The following DDAH1 variants were observed in gnomAD, a reference collection of about 807,000 sequenced individuals.
The protein encoded by DDAH1 is N(G),N(G)-dimethylarginine dimethylaminohydrolase 1.
DDAH1 carries 19 observed loss-of-function variants against 28.8 expected under a neutral mutation model. That is an observed-to-expected ratio of 0.66 (90% confidence interval 0.46 to 0.97). The LOEUF (loss-of-function observed/expected upper bound fraction) is 0.97. DDAH1 is among the 50% of genes least tolerant of loss of function. The probability of loss-of-function intolerance (pLI) is 0.00; values close to 1 mark genes in which losing one functional copy is unlikely to be tolerated. For synonymous variants in DDAH1, 153 were observed against 154.4 expected, an observed-to-expected ratio of 0.99 and a Z score of 0.07; for missense variants, 326 against 375.9, an observed-to-expected ratio of 0.87 and a Z score of 1.10.
chr1:85,481,608 G>C (rs575315466), intron 2 of DDAH1, among the ~76,000 whole-genome samples: 13 of 152,112 alleles, frequency 8.5e-5, no homozygotes, highest in Non-Finnish European at 1.6e-4. Context: ...TTATTTTGTA[G>C]TAAGATATAG....
At chr1:85,486,821 G>A (rs1312367075) in intron 2 of DDAH1, among the ~76,000 whole-genome samples, 4 of 152,186 alleles carry the variant, frequency 2.6e-5, no homozygotes, top group Non-Finnish European at 5.9e-5. Flanking sequence ...GTAGAGAAAG[G>A]AAAGCACTTT....
At position 85,565,040 on chromosome 1, in the gene DDAH1, C is replaced by CA. The variant is rs560705676; in HGVS notation, c.-123+12943dup. On this transcript the variant is annotated intron_variant, in intron 1 of 6. Coordinates refer to the DDAH1 transcript ENST00000426972. ...TGAAACCCCATTTCTACTGAAAATACAAAAAAAAAAGATTAGTTGAGTGTG... is the reference window on the plus strand; with the variant it reads ...TGAAACCCCATTTCTACTGAAAATACAAAAAAAAAAAGATTAGTTGAGTGTG... Among the ~76,000 whole-genome samples, 1,003 of 144,764 alleles carry CA rather than the reference C, an allele frequency of 6.9e-3. 5 individuals carry two copies. The highest frequency in any genetic ancestry group is 9.3e-3 in the Non-Finnish European group (611 of 65,658). The allele number at this position is 144,764 out of a possible 152,430, so 95.0% of individuals were successfully genotyped here. A position where few individuals can be genotyped will look rare whatever the true frequency, so the allele number is the denominator to read the frequency against.
intron 1 of DDAH1, among the ~76,000 whole-genome samples, chr1:85,390,066 A>G (rs1280943351): frequency 1.3e-5 from 2 of 152,214 alleles, no homozygotes; most frequent in African/African-American, 2.4e-5. Context: ...ATAGAAAGAA[A>G]TATGTGGTCG....
At chr1:85,373,009 T>C (rs973701831) in intron 1 of DDAH1, among the ~76,000 whole-genome samples, 1 of 152,104 alleles carries the variant, frequency 6.6e-6, no homozygotes, top group Non-Finnish European at 1.5e-5. Flanking sequence ...GTATAGTTAG[T>C]AAAATTTTTC....
chr1:85,324,272 A>AAATAATAATAATAATAATAATAAT (rs71075831), intron 5 of DDAH1, among the ~76,000 whole-genome samples: 1,555 of 142,226 alleles, frequency 0.011, 16 homozygotes, highest in African/African-American at 0.023. Flanking sequence ...CCTGTCTCAA[A>AAATAATAATAATAATAATAATAAT]AATAATAATA....
intron 1 of DDAH1, among the ~76,000 whole-genome samples, chr1:85,567,140 C>G (rs1216129498): frequency 6.6e-6 from 1 of 152,208 alleles, no homozygotes; most frequent in Non-Finnish European, 1.5e-5. Context: ...TTTACTCAGT[C>G]TACTGATTCA....
At chr1:85,414,597 A>G (rs759562927) in intron 1 of DDAH1, among the ~76,000 whole-genome samples, 17 of 152,186 alleles carry the variant, frequency 1.1e-4, no homozygotes, top group Non-Finnish European at 1.9e-4. Flanking sequence ...AGAAAAATGG[A>G]CAATTGATCG....
intron 1 of DDAH1, among the ~76,000 whole-genome samples, chr1:85,405,157 C>A (rs1183582797): frequency 6.6e-6 from 1 of 152,184 alleles, no homozygotes; most frequent in African/African-American, 2.4e-5. Flanking sequence ...TGTATCCTAA[C>A]AGCAGACATG....
At chr1:85,469,163 A>G (rs1004562615), upstream of DDAH1, among the ~76,000 whole-genome samples, 6 of 152,200 alleles carry the variant, frequency 3.9e-5, no homozygotes, top group Non-Finnish European at 7.3e-5. Flanking sequence ...GGGCTGGAAA[A>G]TACATTCTGC....
At chr1:85,393,668 G>A (rs1651669604) in intron 1 of DDAH1, among the ~76,000 whole-genome samples, 1 of 152,166 alleles carries the variant, frequency 6.6e-6, no homozygotes, top group Admixed American at 6.5e-5. Context: ...CCTTAACTGT[G>A]TTTATAGTAC....
chr1:85,553,190 C>A (rs967956638), intron 1 of DDAH1, among the ~76,000 whole-genome samples: 2 of 152,154 alleles, frequency 1.3e-5, no homozygotes, highest in Non-Finnish European at 2.9e-5. Flanking sequence ...CTCAGCCAGC[C>A]AAGCTAGCAG....
At chr1:85,498,214 G>A (rs767297937) in intron 1 of DDAH1, among the ~76,000 whole-genome samples, 50 of 152,112 alleles carry the variant, frequency 3.3e-4, no homozygotes, top group Non-Finnish European at 3.4e-4. Flanking sequence ...GGACTATAGC[G>A]GTGACTTCCC....
rs563398279 is a variant in DDAH1 at position 85,557,813 on chromosome 1, G to A, written c.-123+20171C>T. On this transcript the variant is annotated intron_variant, in intron 1 of 6. Transcript: ENST00000426972. ...GGAAATTTGGACACAGACATGAATA[G>A]TGGAAAGAGTATCTGAAGACACAAA... Among the ~76,000 whole-genome samples, 19 of 152,284 alleles carry A rather than the reference G, an allele frequency of 1.2e-4. No homozygotes were observed. In the East Asian group the frequency reaches 3.7e-3, roughly 29 times the overall value.
intron 1 of DDAH1, among the ~76,000 whole-genome samples, chr1:85,424,971 G>C (rs1308262335): frequency 1.3e-5 from 2 of 152,042 alleles, no homozygotes; most frequent in Non-Finnish European, 2.9e-5. Context: ...ATTGTCGTTG[G>C]CTGTCTGTAG....
At chr1:85,329,375 A>C (rs1647624138) in intron 4 of DDAH1, among the ~76,000 whole-genome samples, 1 of 152,056 alleles carries the variant, frequency 6.6e-6, no homozygotes, top group Non-Finnish European at 1.5e-5. Flanking sequence ...CTTGGTTCCT[A>C]TTTGAATTGT....
At chr1:85,495,711 T>A (rs1005479914) in intron 2 of DDAH1, 1 of 151,996 alleles carries the variant, frequency 6.6e-6, no homozygotes, top group South Asian at 2.1e-4. Flanking sequence ...TACTGGGAGG[T>A]CTTCATCAGA....
At chr1:85,531,833 G>A (rs1230916783) in intron 1 of DDAH1, among the ~76,000 whole-genome samples, 1 of 145,470 alleles carries the variant, frequency 6.9e-6, no homozygotes, top group Non-Finnish European at 1.5e-5. Flanking sequence ...TTTCAACTGG[G>A]GAAACAGAGG....
intron 4 of DDAH1, among the ~76,000 whole-genome samples, chr1:85,335,376 A>C (rs566137163): frequency 6.6e-6 from 1 of 152,326 alleles, no homozygotes; most frequent in South Asian, 2.1e-4. Context: ...AGGTTATTAA[A>C]AAATATTTTT....
In DDAH1 at chr1:85,351,495, C is replaced by T; in HGVS notation, c.477+11G>A. On this transcript the variant is annotated intron_variant, in intron 3 of 5. Transcript: ENST00000284031. Reference sequence around the variant, plus strand: ...TTGCTTTGTGCCAGGCATAAACTACCTTTTACCTACCTTAAAAGTATCAGC... The same window carrying T: ...TTGCTTTGTGCCAGGCATAAACTACTTTTTACCTACCTTAAAAGTATCAGC... The T allele has an allele frequency of 6.2e-7, 1 of 1,612,352 alleles. No homozygotes were observed. The highest frequency in any genetic ancestry group is 2.2e-5 in the East Asian group (1 of 44,864).
Sources: gnomAD v4.1 joint callset for allele counts (sites outside exome capture counted in the v4.1 genomes callset) on GRCh38, gnomAD v4.1.1 for gene constraint, MANE v1.5 for transcripts, NCBI Gene and HGNC (gene_info 2026-07-23, HGNC 2026-07-21) for gene names.